The following NT5DC1 variants were observed in gnomAD, a reference collection of about 807,000 sequenced individuals.
NT5DC1 encodes 5'-nucleotidase domain containing 1.
In NT5DC1, 42 loss-of-function variants were observed where a neutral mutation model predicts 59.4. That is an observed-to-expected ratio of 0.71 (90% CI 0.55 to 0.92). The LOEUF (loss-of-function observed/expected upper bound fraction) is 0.92, where lower values mean the gene tolerates loss of function less well. Among genes scored for constraint, NT5DC1 ranks in the 40% least tolerant of loss-of-function variants. The probability of loss-of-function intolerance (pLI) is 0.00; values close to 1 mark genes in which losing one functional copy is unlikely to be tolerated. For missense variants in NT5DC1, 501 were observed against 537.1 expected (o/e 0.93, Z 0.66); for synonymous variants, 172 against 188.1 (o/e 0.91, Z 0.70).
At chr6:116,133,452 A>G (rs1359987935) in intron 6 of NT5DC1, among the ~76,000 whole-genome samples, 1 of 152,214 alleles carries the variant, frequency 6.6e-6, no homozygotes, top group African/African-American at 2.4e-5. Context: ...CACAGTCACC[A>G]TCTATAGTGT....
At chr6:116,142,156 A>G (rs1213947069) in intron 6 of NT5DC1, among the ~76,000 whole-genome samples, 1 of 152,100 alleles carries the variant, frequency 6.6e-6, no homozygotes, top group African/African-American at 2.4e-5. Context: ...TCTTTCTAAT[A>G]TATGAAACTA....
At position 116,121,914 on chromosome 6, in the gene NT5DC1, C is replaced by T. The variant is rs1779144118; in HGVS notation, c.529+3969C>T. 20 of 1,613,788 alleles carry T rather than the reference C, an allele frequency of 1.2e-5. No homozygotes were observed. Among genetic ancestry groups the T allele is most frequent in the Non-Finnish European group, 1.7e-5 (20 of 1,179,996 alleles). ...GGACCTGGGTGCCCTCGAGGTCCAG[C>T]AGGGCCTGGTGGACCAGGAGTACCT... On this transcript the variant is annotated intron_variant, in intron 6 of 11. Transcript: ENST00000319550.
intron 6 of NT5DC1, among the ~76,000 whole-genome samples, chr6:116,164,958 A>G (rs1780428252): frequency 6.6e-6 from 1 of 151,988 alleles, no homozygotes; most frequent in Non-Finnish European, 1.5e-5. Context: ...ATTAGCGGAC[A>G]TGGTGGTGGG....
intron 6 of NT5DC1, among the ~76,000 whole-genome samples, chr6:116,182,345 ATGTG>A (rs953219351): frequency 6.6e-6 from 1 of 151,938 alleles, no homozygotes; most frequent in African/African-American, 2.4e-5. Context: ...GCTGCTATAA[ATGTG>A]TGTGTAAGTA....
intron 4 of NT5DC1, among the ~76,000 whole-genome samples, chr6:116,115,393 T>C (rs1268284106): frequency 2.6e-5 from 4 of 152,256 alleles, no homozygotes; most frequent in African/African-American, 7.2e-5. Flanking sequence ...CTTTTTCATA[T>C]TCTATTTTAT....
rs1582881585 is a variant in NT5DC1, at chr6:116,223,283, C to T, written c.802+152C>T. 10 of 503,026 alleles carry T rather than the reference C, an allele frequency of 2.0e-5. No homozygotes were observed. The Middle Eastern group carries it at 1.5e-3, about 74-fold the overall frequency. 31.2% of individuals were successfully genotyped at this position (503,026 alleles called of 1,614,324 possible). ...ATGTTTGTATTAAATTTTATGCTACCGCTTTATATCACAATTATTTCTTTG... is the reference window on the plus strand; with the variant it reads ...ATGTTTGTATTAAATTTTATGCTACTGCTTTATATCACAATTATTTCTTTG... On this transcript the variant is annotated intron_variant, in intron 8 of 11. Transcript: ENST00000319550.
rs979084696 is a variant in NT5DC1 at position 116,238,259 on chromosome 6, C to T, written c.994C>T (p.Leu332Phe). The change falls in exon 10 of 12, where the codon CTC becomes TTC. Residue 332 changes from leucine to phenylalanine, a missense_variant. Transcript: ENST00000319550. The part of the protein sequence containing the change: ...ARHYSNWETV[L>F]ILEELRGDEG... Reference sequence around the variant, plus strand: ...TCACTATAGTAATTGGGAGACAGTCCTCATCCTGGAAGAACTCAGAGGGGA... The same window carrying T: ...TCACTATAGTAATTGGGAGACAGTCTTCATCCTGGAAGAACTCAGAGGGGA... 6 of 1,612,272 alleles carry T rather than the reference C, an allele frequency of 3.7e-6. No individual in the cohort carries two copies. The highest frequency in any genetic ancestry group is 1.7e-4 in the Middle Eastern group (1 of 6,058).
At position 116,245,503 on chromosome 6, in the gene NT5DC1, A is replaced by G. The variant is rs1283183955; in HGVS notation, c.*1479A>G. On this transcript the variant is annotated 3_prime_UTR_variant, in exon 12 of 12. Transcript: ENST00000319550. ...AAAATCACTGAAATTTTTCCCTCAC[A>G]GTCAGTAGCTTTGTTTGATATTTAA... is the stretch of plus-strand genomic sequence containing the variant. The G allele has an allele frequency of 6.6e-6, 1 of 152,558 alleles. No individual in the cohort carries two copies. The highest frequency in any genetic ancestry group is 1.5e-5 in the Non-Finnish European group (1 of 68,002). 9.5% of individuals were successfully genotyped at this position (152,558 alleles called of 1,614,324 possible).
intron 8 of NT5DC1, among the ~76,000 whole-genome samples, chr6:116,229,592 C>T (rs1261990940): frequency 6.6e-6 from 1 of 152,180 alleles, no homozygotes; most frequent in African/African-American, 2.4e-5. Flanking sequence ...ATCCTCTGTT[C>T]TCTATCACGT....
chr6:116,175,760 A>G (rs1780720769), intron 6 of NT5DC1, among the ~76,000 whole-genome samples: 1 of 152,150 alleles, frequency 6.6e-6, no homozygotes, highest in South Asian at 2.1e-4. Flanking sequence ...AACTTTTAAT[A>G]TTTCCATAGT....
chr6:116,109,518 ATCTG>A (rs1554192039), intron 3 of NT5DC1, among the ~76,000 whole-genome samples: 1 of 152,150 alleles, frequency 6.6e-6, no homozygotes, highest in Non-Finnish European at 1.5e-5. Flanking sequence ...TCTTTGTTCT[ATCTG>A]TCTGTCCTTG....
At chr6:116,125,314 G>C (rs1422901406) in intron 6 of NT5DC1, 3 of 1,609,904 alleles carry the variant, frequency 1.9e-6, no homozygotes, top group Admixed American at 3.3e-5. Flanking sequence ...CTTGTTAATA[G>C]AACAAAATAT....
At chr6:116,101,139 C>T (rs1778639462) in intron 1 of NT5DC1, 116 bp downstream of exon 1, 1 of 707,720 alleles carries the variant, frequency 1.4e-6, no homozygotes, top group South Asian at 2.0e-5. Context: ...GCGGCCGAGT[C>T]TTGCCGCAGA....
intron 6 of NT5DC1, among the ~76,000 whole-genome samples, chr6:116,207,393 T>C (rs555346651): frequency 1.2e-4 from 19 of 152,080 alleles, no homozygotes; most frequent in African/African-American, 4.1e-4. Flanking sequence ...TTACAATCTT[T>C]AATTAGATAG....
chr6:116,182,222 A>AGAGTGTGTGTGTGTGTGTGT lies in NT5DC1; in HGVS notation c.530-38831_530-38830insAGTGTGTGTGTGTGTGTGTG, dbSNP rs148509481. 4.8e-3 allele frequency among the ~76,000 whole-genome samples: 600 copies of AGAGTGTGTGTGTGTGTGTGT among 124,660 alleles called. 6 individuals are homozygous for AGAGTGTGTGTGTGTGTGTGT. The highest frequency in any genetic ancestry group is 0.013 in the South Asian group (46 of 3,514). The allele number at this position is 124,660 out of a possible 152,430, so 81.8% of individuals were successfully genotyped here. The stretch of plus-strand genomic sequence containing the variant: ...TATGGCTGAGTAGTATTCCATGGAG[A>AGAGTGTGTGTGTGTGTGTGT]GTGTGTGTGTGTGTGTGTGTGTGTG... On this transcript the variant is annotated intron_variant, in intron 6 of 11. Coordinates refer to ENST00000319550, the MANE Select transcript of NT5DC1 (RefSeq NM_152729.3).
At chr6:116,219,929 C>G (rs1049811861) in intron 6 of NT5DC1, among the ~76,000 whole-genome samples, 11 of 138,660 alleles carry the variant, frequency 7.9e-5, no homozygotes, top group Non-Finnish European at 1.7e-4. Context: ...TGCCACTGCA[C>G]TCCAGCTTGG....
Position 116,223,100 on chromosome 6 carries a change from C to T in NT5DC1, c.771C>T (p.His257=). Residue 257 remains histidine (H), a synonymous_variant, in exon 8 of 12, where the codon CAC becomes CAT. Transcript: ENST00000319550. ...TNALKPGFFS[H]LPSQRPFRTL... ...CATTGAAGCCTGGTTTCTTCTCCCACTTACCAAGTCAGAGACCTTTCCGGA... is the reference window on the plus strand; with the variant it reads ...CATTGAAGCCTGGTTTCTTCTCCCATTTACCAAGTCAGAGACCTTTCCGGA... 2 of 1,605,568 alleles carry T rather than the reference C, an allele frequency of 1.2e-6. No individual in the cohort carries two copies. The highest frequency in any genetic ancestry group is 1.7e-6 in the Non-Finnish European group (2 of 1,172,468).
intron 8 of NT5DC1, among the ~76,000 whole-genome samples, chr6:116,233,094 T>C (rs1782050280): frequency 6.6e-6 from 1 of 152,216 alleles, no homozygotes; most frequent in Non-Finnish European, 1.5e-5. Flanking sequence ...GAGGAATAAT[T>C]TGTATATCTT....
Position 116,123,005 on chromosome 6 carries a change from A to G in NT5DC1, c.529+5060A>G, listed in dbSNP as rs9488842. On this transcript the variant is annotated intron_variant, in intron 6 of 11. Transcript: ENST00000319550. ...GTGTACATACATGATTATATTATGT[A>G]TAAGTGGATATTGATATATTGCAAA... Among the ~76,000 whole-genome samples, 4 of 152,178 alleles carry G rather than the reference A, an allele frequency of 2.6e-5. No homozygotes were observed. The East Asian group carries it at 5.8e-4, about 22-fold the overall frequency.
Sources: allele counts gnomAD v4.1 joint callset (sites outside exome capture counted in the v4.1 genomes callset), GRCh38; gene constraint gnomAD v4.1.1; transcripts MANE v1.5; gene names NCBI Gene and HGNC (gene_info 2026-07-23, HGNC 2026-07-21).